The following NLRP4 variants were observed in gnomAD, a reference collection of about 807,000 sequenced individuals.
NLRP4 encodes NLR family pyrin domain containing 4.
In NLRP4, 44 loss-of-function variants were observed where a neutral mutation model predicts 84.7. The ratio of observed to expected loss-of-function variants is 0.52; its 90% CI spans 0.41 to 0.67. NLRP4 has a LOEUF of 0.67. NLRP4 is among the 30% of genes least tolerant of loss of function. NLRP4 has a pLI of 0.00. For missense variants in NLRP4, 1,260 were observed against 1,219.4 expected (o/e 1.03, Z -0.50); for synonymous variants, 544 against 476.4 (o/e 1.14, Z -1.85).
rs1012802179 is a variant in NLRP4 at position 55,861,675 on chromosome 19, C to T, written c.2018+128C>T. 56 of 809,564 alleles carry T rather than the reference C, an allele frequency of 6.9e-5. No homozygotes were observed. The South Asian group carries it at 7.7e-4, about 11-fold the overall frequency. The allele number at this position is 809,564 out of a possible 1,614,324, so 50.1% of individuals were successfully genotyped here. A position where few individuals can be genotyped will look rare whatever the true frequency, so the allele number is the denominator to read the frequency against. Reference sequence around the variant, plus strand: ...ATCCAGAGCAGTTGCTCAACCTCAGCACTTACAGACATCTCATGCAGATCA... The same window carrying T: ...ATCCAGAGCAGTTGCTCAACCTCAGTACTTACAGACATCTCATGCAGATCA... On this transcript the variant is annotated intron_variant, in intron 4 of 9. Transcript: ENST00000301295.
intron 7 of NLRP4, among the ~76,000 whole-genome samples, chr19:55,872,837 GATAA>G (rs1474751570): frequency 2.0e-5 from 3 of 152,142 alleles, no homozygotes; most frequent in Non-Finnish European, 4.4e-5. Context: ...CGCTTAACAG[GATAA>G]ATAGTGGAGA....
chr19:55,875,084 C>A (rs903327791), intron 7 of NLRP4, among the ~76,000 whole-genome samples: 10 of 152,262 alleles, frequency 6.6e-5, no homozygotes, highest in African/African-American at 2.4e-4. Flanking sequence ...TATTTGGGAA[C>A]TTCCTTGATG....
rs771376206 is a variant in NLRP4, at chr19:55,859,220, C to A, written c.1827C>A (p.Val609=). ...LRKLCFSVQN[V]FKKEDEHSST... Reference sequence around the variant, plus strand: ...AACTCTGTTTTTCCGTTCAAAATGTCTTTAAGAAAGAGGATGAACACAGCT... The same window carrying A: ...AACTCTGTTTTTCCGTTCAAAATGTATTTAAGAAAGAGGATGAACACAGCT... Residue 609 remains valine (V), a synonymous_variant, in exon 3 of 10, where the codon GTC becomes GTA. Coordinates refer to ENST00000301295, the MANE Select transcript of NLRP4 (RefSeq NM_134444.5). 1 of 1,604,682 alleles carries A rather than the reference C, an allele frequency of 6.2e-7. No individual in the cohort carries two copies. Among genetic ancestry groups the A allele is most frequent in the Non-Finnish European group, 8.5e-7 (1 of 1,172,098 alleles).
chr19:55,860,411 C>CA (rs1303371008), intron 3 of NLRP4, among the ~76,000 whole-genome samples: 1 of 152,102 alleles, frequency 6.6e-6, no homozygotes, highest in Non-Finnish European at 1.5e-5. Context: ...CCCACTTCTA[C>CA]AAAATTTTTT....
At chr19:55,851,036 TGCGGTGTAATGTCCGA>T in intron 1 of NLRP4, among the ~76,000 whole-genome samples, 3 of 131,060 alleles carry the variant, frequency 2.3e-5, no homozygotes, top group Admixed American at 7.0e-5. Context: ...TGTCCGAGGC[TGCGGTGTAATGTCCGA>T]GGCTGCGGTG....
chr19:55,870,530 G>T (rs888349499), intron 6 of NLRP4, among the ~76,000 whole-genome samples: 3 of 152,192 alleles, frequency 2.0e-5, no homozygotes, highest in Non-Finnish European at 2.9e-5. Flanking sequence ...AGATGTGGTT[G>T]TGGGTGCCTG....
intron 9 of NLRP4, among the ~76,000 whole-genome samples, chr19:55,879,245 A>G (rs981272848): frequency 6.7e-6 from 1 of 149,008 alleles, no homozygotes; most frequent in African/African-American, 2.6e-5. Flanking sequence ...CCAAGGACGC[A>G]GAGATCCAAG....
intron 1 of NLRP4, among the ~76,000 whole-genome samples, chr19:55,850,650 C>T (rs1322893220): frequency 7.9e-6 from 1 of 126,024 alleles, no homozygotes; most frequent in Non-Finnish European, 1.6e-5. Flanking sequence ...GTGTAATGTC[C>T]GAGGCTGCGG....
rs371177714 is a variant in NLRP4 at position 55,837,376 on chromosome 19, C to A, written c.-66+442C>A. ...CTAACATAAAAGTTAGAAAAACCCT[C>A]GAAAATAATAAGATATTAAGTATAT... On this transcript the variant is annotated intron_variant, in intron 1 of 9. Transcript: ENST00000301295. 2.1e-4 allele frequency among the ~76,000 whole-genome samples: 32 copies of A among 152,150 alleles called. No homozygotes were observed. In the East Asian group the frequency reaches 2.7e-3, roughly 13 times the overall value.
At chr19:55,870,208 G>A (rs374477327) in intron 6 of NLRP4, among the ~76,000 whole-genome samples, 3 of 152,174 alleles carry the variant, frequency 2.0e-5, no homozygotes, top group African/African-American at 7.2e-5. Flanking sequence ...CCCTGAGGGA[G>A]CGGTCTCAGA....
At chr19:55,848,005 G>T (rs756152946) in intron 1 of NLRP4, among the ~76,000 whole-genome samples, 30 of 152,006 alleles carry the variant, frequency 2.0e-4, no homozygotes, top group Admixed American at 7.9e-4. Flanking sequence ...GTGAGCCACT[G>T]CACCTGGCCC....
rs770176701 is a variant in NLRP4, at chr19:55,862,113, C to T, written c.2140C>T (p.Leu714Phe). Reference protein sequence around the residue: ...TKLSRDDIRSLCDALNYPAGN... With the variant: ...TKLSRDDIRSFCDALNYPAGN... ...ACTCTCTCGTGATGACATCAGGTCC[C>T]TCTGTGATGCCTTGAACTACCCAGC... is the stretch of plus-strand genomic sequence containing the variant. The change falls in exon 5 of 10, where the codon CTC (leucine) becomes TTC (phenylalanine). Residue 714 changes from leucine to phenylalanine, a missense_variant. By Grantham distance (22) the Leu-to-Phe change is conservative. Around this residue, in one of 3 missense-constraint regions of NLRP4, gnomAD observed 544 missense variants for 531.7 expected, o/e 1.02. Transcript: ENST00000301295. 1 of 1,613,964 alleles carries T rather than the reference C, an allele frequency of 6.2e-7. No individual in the cohort carries two copies.
chr19:55,863,900 C>T lies in NLRP4; in HGVS notation c.2186+1741C>T, dbSNP rs548672170. 2.0e-5 allele frequency among the ~76,000 whole-genome samples: 3 copies of T among 152,256 alleles called. No individual in the cohort carries two copies. The South Asian group carries it at 6.2e-4, about 32-fold the overall frequency. On this transcript the variant is annotated intron_variant, in intron 5 of 9. Coordinates refer to ENST00000301295, the MANE Select transcript of NLRP4 (RefSeq NM_134444.5). The stretch of plus-strand genomic sequence containing the variant: ...TAAATACTTACCCTCTACTTACCTT[C>T]ATTGGTACCCACACATTCAAATACT...
chr19:55,854,118 C>T (rs141797690), intron 2 of NLRP4, among the ~76,000 whole-genome samples: 74 of 152,032 alleles, frequency 4.9e-4, no homozygotes, highest in Non-Finnish European at 9.0e-4. Context: ...TTCAGATGCC[C>T]GCCACCACAC....
intron 8 of NLRP4, among the ~76,000 whole-genome samples, chr19:55,878,278 G>A (rs1021701440): frequency 1.3e-5 from 2 of 148,758 alleles, no homozygotes; most frequent in Admixed American, 6.7e-5. Context: ...AAATTAGCCC[G>A]CAGGCGTGGT....
In NLRP4 at chr19:55,857,998, C is replaced by G; in HGVS notation, c.605C>G (p.Ala202Gly). ...ELRELPPTSL[A>G]DLISREWPDP... The stretch of plus-strand genomic sequence containing the variant: ...AGGGAGTTGCCGCCAACGAGTTTGG[C>G]TGACTTGATTTCCAGAGAGTGGCCT... The change falls in exon 3 of 10, where the codon GCT (alanine) becomes GGT (glycine). Residue 202 changes from alanine (A) to glycine (G), a missense_variant. Physicochemically the swap from Ala to Gly is moderately conservative, Grantham distance 60. Around this residue, in one of 3 missense-constraint regions of NLRP4, gnomAD observed 712 missense variants for 669.2 expected, o/e 1.06. Transcript: ENST00000301295. The G allele has an allele frequency of 1.9e-6, 3 of 1,614,184 alleles. No homozygotes were observed. Among genetic ancestry groups the G allele is most frequent in the Non-Finnish European group, 2.5e-6 (3 of 1,180,014 alleles).
intron 2 of NLRP4, 132 bp downstream of exon 2, chr19:55,852,492 T>TG: frequency 1.6e-6 from 1 of 628,894 alleles, no homozygotes; most frequent in Non-Finnish European, 2.7e-6. Flanking sequence ...TTTTTTTTTT[T>TG]TTTGGTAGAC....
intron 5 of NLRP4, among the ~76,000 whole-genome samples, chr19:55,865,593 T>C (rs1189423598): frequency 1.3e-5 from 2 of 152,184 alleles, no homozygotes; most frequent in African/African-American, 4.8e-5. Context: ...AATGTGTAAG[T>C]GTACACTTTT....
intron 1 of NLRP4, among the ~76,000 whole-genome samples, chr19:55,850,448 T>C (rs1336196476): frequency 1.8e-5 from 1 of 55,926 alleles, no homozygotes; most frequent in Non-Finnish European, 2.9e-5. Flanking sequence ...CGGTGTAATT[T>C]CCGTGGCTGC....
Sources: gnomAD v4.1 joint callset for allele counts (sites outside exome capture counted in the v4.1 genomes callset) on GRCh38, gnomAD v4.1.1 for gene constraint, gnomAD v4.1.1 regional missense constraint, MANE v1.5 for transcripts, NCBI Gene and HGNC (gene_info 2026-07-23, HGNC 2026-07-21) for gene names.